Variants in CDH4 observed in about 807,000 individuals in gnomAD.
CDH4 encodes cadherin 4.
Under a neutral mutation model 86.0 loss-of-function variants are expected in CDH4, and 33 were observed. The ratio of observed to expected loss-of-function variants is 0.38; its 90% CI spans 0.29 to 0.51. The LOEUF (loss-of-function observed/expected upper bound fraction) is 0.51. Among genes scored for constraint, CDH4 ranks in the 20% least tolerant of loss-of-function variants. The pLI, the probability that CDH4 is intolerant of heterozygous loss-of-function variation, is 0.86. For synonymous variants in CDH4, 555 were observed against 549.4 expected (o/e 1.01, Z -0.14); for missense variants, 1,114 against 1,307.4 (o/e 0.85, Z 2.28).
intron 12 of CDH4, 47 bp from the exon 13 acceptor site, chr20:61,929,562 A>G (rs773896333): frequency 6.8e-6 from 10 of 1,462,558 alleles, no homozygotes; most frequent in Non-Finnish European, 8.6e-6. Flanking sequence ...CTTGCTTGGA[A>G]GCGAGGGCCG....
intron 4 of CDH4, 62 bp from the exon 5 acceptor site, chr20:61,844,605 GA>G (rs2146101611): frequency 6.7e-7 from 1 of 1,499,540 alleles, no homozygotes; most frequent in East Asian, 2.3e-5. Flanking sequence ...GAATGTCAGA[GA>G]TCGGCCCCGG....
intron 2 of CDH4, among the ~76,000 whole-genome samples, chr20:61,615,275 C>T (rs1363601882): frequency 2.0e-5 from 3 of 151,714 alleles, no homozygotes; most frequent in Non-Finnish European, 4.4e-5. Context: ...GTGTGCACCA[C>T]CACGCCCAGC....
At chr20:61,267,235 A>G (rs1328347646) in intron 2 of CDH4, among the ~76,000 whole-genome samples, 1 of 152,216 alleles carries the variant, frequency 6.6e-6, no homozygotes, top group Non-Finnish European at 1.5e-5. Context: ...CAGGGAACGA[A>G]TCCACCCACT....
chr20:61,451,565 T>C (rs1388444787), intron 2 of CDH4, among the ~76,000 whole-genome samples: 5 of 152,174 alleles, frequency 3.3e-5, no homozygotes, highest in Admixed American at 2.6e-4. Context: ...ACCTTCCAAG[T>C]AGGTCCTTTG....
At chr20:61,638,972 A>G (rs939696683) in intron 2 of CDH4, among the ~76,000 whole-genome samples, 19 of 152,178 alleles carry the variant, frequency 1.2e-4, no homozygotes, top group African/African-American at 4.6e-4. Context: ...TAACGGAATG[A>G]ATGACGCCAT....
intron 2 of CDH4, among the ~76,000 whole-genome samples, chr20:61,624,223 A>G (rs1248950079): frequency 6.6e-6 from 1 of 152,218 alleles, no homozygotes; most frequent in Non-Finnish European, 1.5e-5. Flanking sequence ...ACCTCACCTC[A>G]GGAATCGGGA....
chr20:61,830,747 C>T (rs548189265), intron 4 of CDH4, among the ~76,000 whole-genome samples: 47 of 152,370 alleles, frequency 3.1e-4, no homozygotes, highest in African/African-American at 1.1e-3. Flanking sequence ...GAGCGGGCGG[C>T]GCTGGCTTCA....
chr20:61,429,864 A>G (rs77888780), intron 2 of CDH4, among the ~76,000 whole-genome samples: 7,401 of 152,178 alleles, frequency 0.049, 226 homozygotes, highest in African/African-American at 0.076. Context: ...GGTGGGTAGG[A>G]TTTTCAAAAA....
rs756610425 is a variant in CDH4, at chr20:61,910,508, C to T, written c.1275C>T (p.Asn425=). The part of the protein sequence containing the change: ...VMDRDQPHSP[N]WNAVYRIISG... Reference sequence around the variant, plus strand: ...ACCGAGATCAGCCCCACTCTCCAAACTGGAATGCCGTTTACCGCATCATCA... The same window carrying T: ...ACCGAGATCAGCCCCACTCTCCAAATTGGAATGCCGTTTACCGCATCATCA... Residue 425 remains asparagine, a synonymous_variant, in exon 9 of 16, where the codon AAC becomes AAT. Coordinates refer to ENST00000614565, the MANE Select transcript of CDH4 (RefSeq NM_001794.5). 4 of 1,614,020 alleles carry T rather than the reference C, an allele frequency of 2.5e-6. No individual in the cohort carries two copies. Among genetic ancestry groups the T allele is most frequent in the South Asian group, 2.2e-5 (2 of 91,082 alleles).
intron 2 of CDH4, among the ~76,000 whole-genome samples, chr20:61,500,479 C>T (rs1320854991): frequency 2.0e-5 from 3 of 151,962 alleles, no homozygotes; most frequent in African/African-American, 4.8e-5. Flanking sequence ...CTGCCTGTGC[C>T]GACTCTGGGT....
chr20:61,822,524 G>A (rs1158845376), intron 4 of CDH4, among the ~76,000 whole-genome samples: 2 of 152,322 alleles, frequency 1.3e-5, no homozygotes, highest in East Asian at 3.9e-4. Context: ...CGATCTACAA[G>A]GTATTCCGTG....
intron 2 of CDH4, among the ~76,000 whole-genome samples, chr20:61,527,161 A>G (rs6061596): frequency 0.011 from 1,617 of 152,372 alleles, 21 homozygotes; most frequent in African/African-American, 0.038. Context: ...TGACAAGAGA[A>G]TCACAATCAG....
At chr20:61,512,076 G>A (rs142795169) in intron 2 of CDH4, among the ~76,000 whole-genome samples, 11 of 152,254 alleles carry the variant, frequency 7.2e-5, no homozygotes, top group East Asian at 5.8e-4. Context: ...AATCAAGCCC[G>A]TGTGTTTACT....
At chr20:61,583,305 G>T (rs2086445668) in intron 2 of CDH4, among the ~76,000 whole-genome samples, 2 of 142,966 alleles carry the variant, frequency 1.4e-5, no homozygotes, top group African/African-American at 2.6e-5. Context: ...GGGACAGAGG[G>T]CTCTGTGGGG....
In CDH4 at chr20:61,350,414, CA is replaced by C. The variant is rs1432166632; in HGVS notation, c.169+95478del. The stretch of plus-strand genomic sequence containing the variant: ...CCTCTCCCACCCAGCGTCAGGCAGA[CA>C]CCTCCCCCTCCCCCAGTGCTGCAGA... On this transcript the variant is annotated intron_variant, in intron 2 of 15. Coordinates refer to ENST00000614565, the MANE Select transcript of CDH4 (RefSeq NM_001794.5). Among the ~76,000 whole-genome samples, 6 of 846 alleles carry C rather than the reference CA, an allele frequency of 7.1e-3. 2 individuals carry two copies. Among genetic ancestry groups the C allele is most frequent in the African/African-American group, 0.031 (4 of 128 alleles). The allele number at this position is 846 out of a possible 152,430, so 0.6% of individuals were successfully genotyped here.
intron 2 of CDH4, among the ~76,000 whole-genome samples, chr20:61,588,703 A>G (rs2086496355): frequency 1.3e-5 from 2 of 151,942 alleles, no homozygotes; most frequent in South Asian, 4.2e-4. Flanking sequence ...TCTTTCATTC[A>G]TCATTCCTCG....
chr20:61,830,960 G>A (rs1037804280), intron 4 of CDH4, among the ~76,000 whole-genome samples: 1 of 152,196 alleles, frequency 6.6e-6, no homozygotes, highest in Non-Finnish European at 1.5e-5. Context: ...GAGGGCTCCT[G>A]GAGTGGGGTT....
chr20:61,897,731 C>T (rs1289895409), intron 8 of CDH4, among the ~76,000 whole-genome samples: 2 of 152,246 alleles, frequency 1.3e-5, no homozygotes, highest in Non-Finnish European at 2.9e-5. Context: ...GCACAGGCTA[C>T]TGCAGCCTCG....
chr20:61,453,577 A>G (rs192899996), intron 2 of CDH4, among the ~76,000 whole-genome samples: 77 of 152,350 alleles, frequency 5.1e-4, no homozygotes, highest in African/African-American at 1.6e-3. Flanking sequence ...CGCTCAACCC[A>G]TAACAACCAG....
Sources: allele counts gnomAD v4.1 joint callset (sites outside exome capture counted in the v4.1 genomes callset), GRCh38; gene constraint gnomAD v4.1.1; transcripts MANE v1.5; gene names NCBI Gene and HGNC (gene_info 2026-07-23, HGNC 2026-07-21).